ZFAND6: variants seen among roughly 807,000 people sequenced by gnomAD.
The protein encoded by ZFAND6 is AN1-type zinc finger protein 6.
ZFAND6 carries 12 observed loss-of-function variants against 24.5 expected under a neutral mutation model. That is an observed-to-expected ratio of 0.49 (90% confidence interval 0.31 to 0.79). The LOEUF is 0.79. ZFAND6 is among the 30% of genes least tolerant of loss of function. The pLI, the probability that ZFAND6 is intolerant of heterozygous loss-of-function variation, is 0.04. For synonymous variants in ZFAND6, 92 were observed against 81.5 expected, an observed-to-expected ratio of 1.13 and a Z score of -0.69; for missense variants, 207 against 245.9, an observed-to-expected ratio of 0.84 and a Z score of 1.06.
rs140392369 is a variant in ZFAND6 at position 80,080,478 on chromosome 15, G to A, written c.-180-17938G>A. Among the ~76,000 whole-genome samples the A allele has an allele frequency of 5.9e-4, 90 of 152,248 alleles. 1 individual carries two copies. The East Asian group carries it at 0.011, about 19-fold the overall frequency. Reference sequence around the variant, plus strand: ...TAGTTTTATAAATTAGACATAGTAAGACATTAACAATAATAGAATAATTAT... The same window carrying A: ...TAGTTTTATAAATTAGACATAGTAAAACATTAACAATAATAGAATAATTAT... On this transcript the variant is annotated intron_variant, in intron 1 of 6. Coordinates refer to ENST00000261749, the MANE Select transcript of ZFAND6 (RefSeq NM_019006.4).
intron 1 of ZFAND6, among the ~76,000 whole-genome samples, chr15:80,062,154 T>A (rs2036369805): frequency 6.6e-6 from 1 of 152,186 alleles, no homozygotes; most frequent in African/African-American, 2.4e-5. Flanking sequence ...CTCTAATCTC[T>A]AGCAAATTAC....
intron 1 of ZFAND6, among the ~76,000 whole-genome samples, chr15:80,092,326 G>GA (rs373513444): frequency 0.054 from 5,573 of 103,486 alleles, 167 homozygotes; most frequent in Non-Finnish European, 0.065. Flanking sequence ...ATCTCTACAG[G>GA]AAAAAAAAAA....
intron 5 of ZFAND6, among the ~76,000 whole-genome samples, chr15:80,127,062 C>T (rs966691938): frequency 7.2e-5 from 11 of 151,844 alleles, no homozygotes; most frequent in Non-Finnish European, 1.0e-4. Flanking sequence ...GAGCCATTAA[C>T]GCACCACTGC....
At chr15:80,069,501 A>G (rs928965721) in intron 1 of ZFAND6, among the ~76,000 whole-genome samples, 57 of 152,266 alleles carry the variant, frequency 3.7e-4, no homozygotes, top group African/African-American at 1.2e-3. Flanking sequence ...CATTCATTCA[A>G]ACTCCCCAAC....
At chr15:80,075,411 CTG>C (rs773419338) in intron 1 of ZFAND6, 2 of 178,104 alleles carry the variant, frequency 1.1e-5, no homozygotes, top group Non-Finnish European at 2.4e-5. Flanking sequence ...GTTTCTGTAA[CTG>C]TAATTCTGCA....
At chr15:80,103,016 G>A (rs1174876044) in intron 2 of ZFAND6, among the ~76,000 whole-genome samples, 1 of 152,158 alleles carries the variant, frequency 6.6e-6, no homozygotes, top group Non-Finnish European at 1.5e-5. Flanking sequence ...CTCCATCCAT[G>A]ACTTTAGATA....
In ZFAND6 at chr15:80,115,691, C is replaced by CT. The variant is rs561963751; in HGVS notation, c.-17-4625dup. 5.6e-3 allele frequency among the ~76,000 whole-genome samples: 802 copies of CT among 144,398 alleles called. 6 individuals carry two copies. Among genetic ancestry groups the CT allele is most frequent in the African/African-American group, 0.015 (576 of 39,568 alleles). 94.7% of individuals were successfully genotyped at this position (144,398 alleles called of 152,430 possible). On this transcript the variant is annotated intron_variant, in intron 2 of 6. Coordinates refer to ENST00000261749, the MANE Select transcript of ZFAND6 (RefSeq NM_019006.4). Reference sequence around the variant, plus strand: ...TAACGATTAATAAATAAGACTGATTCTTTTTTTTTTTTAAGAATCCTGTGA... The same window carrying CT: ...TAACGATTAATAAATAAGACTGATTCTTTTTTTTTTTTTAAGAATCCTGTGA...
chr15:80,108,735 G>GT (rs57835137), intron 2 of ZFAND6, among the ~76,000 whole-genome samples: 84,586 of 151,068 alleles, frequency 0.56, 24,855 homozygotes, highest in Non-Finnish European at 0.65. Context: ...TTGTTTTTTT[G>GT]TTTTTTTTCT....
Position 80,072,153 on chromosome 15 carries a change from G to C in ZFAND6, c.-181+12344G>C, listed in dbSNP as rs775817286. Among the ~76,000 whole-genome samples, 5 of 152,116 alleles carry C rather than the reference G, an allele frequency of 3.3e-5. No homozygotes were observed. The South Asian group carries it at 1.0e-3, about 32-fold the overall frequency. On this transcript the variant is annotated intron_variant, in intron 1 of 6. Coordinates refer to ENST00000261749, the MANE Select transcript of ZFAND6 (RefSeq NM_019006.4). The stretch of plus-strand genomic sequence containing the variant: ...ATATTGTAATGGATTTTCTGTTGCC[G>C]TTTTACAATTTTCAGGTAAAATGTG...
intron 1 of ZFAND6, among the ~76,000 whole-genome samples, chr15:80,090,126 A>G (rs186110251): frequency 7.9e-5 from 12 of 152,326 alleles, no homozygotes; most frequent in African/African-American, 1.7e-4. Flanking sequence ...TTCAAATCAT[A>G]CTGCTCAGAA....
intron 4 of ZFAND6, 72 bp from the exon 5 acceptor site, chr15:80,122,628 C>T: frequency 1.0e-6 from 1 of 963,464 alleles, no homozygotes; most frequent in Non-Finnish European, 1.7e-6. Context: ...ATGTTGAACT[C>T]TTACTGTGTC....
At chr15:80,096,428 T>C (rs1010351678) in intron 1 of ZFAND6, among the ~76,000 whole-genome samples, 3 of 152,344 alleles carry the variant, frequency 2.0e-5, no homozygotes, top group Non-Finnish European at 4.4e-5. Context: ...TAACTTATTA[T>C]GATAGAATAC....
chr15:80,126,668 T>C (rs549499830), intron 5 of ZFAND6, among the ~76,000 whole-genome samples: 63 of 152,174 alleles, frequency 4.1e-4, no homozygotes, highest in Non-Finnish European at 4.4e-4. Context: ...CTAAAACGAA[T>C]ATAAGAGAAC....
intron 4 of ZFAND6, among the ~76,000 whole-genome samples, 199 bp downstream of exon 4, chr15:80,122,019 AGATT>A (rs2040169050): frequency 6.6e-6 from 1 of 152,148 alleles, no homozygotes; most frequent in Non-Finnish European, 1.5e-5. Flanking sequence ...TTTAAGTCTT[AGATT>A]TCTTTTTCAG....
chr15:80,088,011 A>C (rs886608958), intron 1 of ZFAND6, among the ~76,000 whole-genome samples: 8 of 151,874 alleles, frequency 5.3e-5, no homozygotes, highest in African/African-American at 1.7e-4. Flanking sequence ...TAGAGCAAGA[A>C]TATTCTCTTA....
intron 1 of ZFAND6, among the ~76,000 whole-genome samples, chr15:80,079,596 A>T (rs1363907474): frequency 6.6e-6 from 1 of 151,760 alleles, no homozygotes; most frequent in Non-Finnish European, 1.5e-5. Flanking sequence ...ATAGATTTTG[A>T]ATGTTATAAT....
intron 1 of ZFAND6, among the ~76,000 whole-genome samples, chr15:80,083,136 C>T (rs2037776815): frequency 6.6e-6 from 1 of 152,120 alleles, no homozygotes; most frequent in East Asian, 1.9e-4. Flanking sequence ...GGACTACAGG[C>T]ACCTGCCACC....
chr15:80,101,534 T>A (rs1208802181), intron 2 of ZFAND6, among the ~76,000 whole-genome samples: 1 of 152,190 alleles, frequency 6.6e-6, no homozygotes, highest in Non-Finnish European at 1.5e-5. Flanking sequence ...TTAGCCCCAT[T>A]TCACATTCTC....
intron 2 of ZFAND6, among the ~76,000 whole-genome samples, chr15:80,108,989 A>G (rs1211420504): frequency 1.3e-5 from 2 of 152,024 alleles, no homozygotes; most frequent in African/African-American, 4.8e-5. Context: ...CGGCCTCCCA[A>G]AGTGCTGGGA....
Sources: gnomAD v4.1 joint callset for allele counts (sites outside exome capture counted in the v4.1 genomes callset) on GRCh38, gnomAD v4.1.1 for gene constraint, MANE v1.5 for transcripts, NCBI Gene and HGNC (gene_info 2026-07-23, HGNC 2026-07-21) for gene names.